The following AACS variants were observed in gnomAD, a reference collection of about 807,000 sequenced individuals.
The protein encoded by AACS is acetoacetate-CoA ligase.
Under a neutral mutation model 83.1 loss-of-function variants are expected in AACS, and 69 were observed. The ratio of observed to expected loss-of-function variants is 0.83; its 90% confidence interval spans 0.68 to 1.01. The LOEUF (loss-of-function observed/expected upper bound fraction) is 1.01, where lower values mean the gene tolerates loss of function less well. Ranked by LOEUF, AACS falls within the 50% of genes least tolerant of loss-of-function variation. The pLI is 0.00. For synonymous variants in AACS, 333 were observed against 343.4 expected (o/e 0.97, Z 0.33); for missense variants, 866 against 882.2 (o/e 0.98, Z 0.23).
chr12:125,104,654 C>T (rs1277726580), intron 7 of AACS, among the ~76,000 whole-genome samples: 2 of 152,140 alleles, frequency 1.3e-5, no homozygotes, highest in African/African-American at 4.8e-5. Flanking sequence ...CTGGAGGGTG[C>T]TGCAGGCAAA....
Position 125,073,865 on chromosome 12 carries a change from T to C in AACS, c.134-11T>C. 1.9e-6 allele frequency: 3 copies of C among 1,606,862 alleles called. No individual in the cohort carries two copies. Among genetic ancestry groups the C allele is most frequent in the South Asian group, 2.2e-5 (2 of 90,236 alleles). ...CCCTTCTAAGGTTAATCTGAGCTAT[T>C]TCATTTTTAGAGAGTTATGATGACT... On this transcript the variant is annotated splice_polypyrimidine_tract_variant and intron_variant, in intron 1 of 17. Transcript: ENST00000316519.
chr12:125,125,075 A>C, intron 12 of AACS, 51 bp downstream of exon 12: 2 of 1,612,030 alleles, frequency 1.2e-6, no homozygotes. Context: ...CGGCCCCATA[A>C]GTATGCACAC....
At position 125,097,002 on chromosome 12, in the gene AACS, G is replaced by T. The variant is rs558434955; in HGVS notation, c.570+5479G>T. On this transcript the variant is annotated intron_variant, in intron 5 of 17. Transcript: ENST00000316519. The surrounding 1 kb of genome is among the most constrained non-coding windows in gnomAD (Gnocchi z 4.3). The stretch of plus-strand genomic sequence containing the variant: ...AGGGGTGGCATTCTCAGTCCAGGAG[G>T]GTTTGGTGCCAGGAAGGGCCATTTC... Among the ~76,000 whole-genome samples the T allele has an allele frequency of 1.3e-5, 2 of 152,136 alleles. No homozygotes were observed. Among genetic ancestry groups the T allele is most frequent in the South Asian group, 4.1e-4 (2 of 4,830 alleles).
chr12:125,089,931 A>G (rs1352716043), intron 4 of AACS, among the ~76,000 whole-genome samples: 2 of 151,680 alleles, frequency 1.3e-5, no homozygotes, highest in African/African-American at 2.4e-5. Context: ...CCATTTATCT[A>G]TCCTCCACCC....
rs748456810 is a variant in AACS at position 125,129,438 on chromosome 12, G to A, written c.1527G>A (p.Lys509=). 8.7e-6 allele frequency: 14 copies of A among 1,613,764 alleles called. No homozygotes were observed. Among genetic ancestry groups the A allele is most frequent in the African/African-American group, 2.7e-5 (2 of 74,880 alleles). ...WNDENGNKYR[K]AYFSKFPGIW... ...ATGAGAACGGCAACAAGTACAGGAA[G>A]GCGTATTTCTCCAAATTCCCAGGTC... Residue 509 remains lysine, a synonymous_variant, in exon 14 of 18, where the codon AAG becomes AAA. Coordinates refer to ENST00000316519, the MANE Select transcript of AACS (RefSeq NM_023928.5). This position sits in a 1 kb window ranked among gnomAD's most constrained non-coding sequence, Gnocchi z 4.3.
chr12:125,109,571 C>A (rs1956906747), intron 8 of AACS, among the ~76,000 whole-genome samples: 1 of 152,230 alleles, frequency 6.6e-6, no homozygotes, highest in Non-Finnish European at 1.5e-5. Context: ...GCACGTATCT[C>A]CCAAGAACAG....
Position 125,094,699 on chromosome 12 carries a change from G to GC in AACS, c.570+3178dup, listed in dbSNP as rs1956564926. Among the ~76,000 whole-genome samples the GC allele has an allele frequency of 6.6e-6, 1 of 152,200 alleles. No individual in the cohort carries two copies. Among genetic ancestry groups the GC allele is most frequent in the Non-Finnish European group, 1.5e-5 (1 of 68,040 alleles). ...TCCTTCTGCCTGCTCTCTGCTGGCT[G>GC]CCTGGGCATCTCAGCTTGCCTTACT... On this transcript the variant is annotated intron_variant, in intron 5 of 17. Coordinates refer to ENST00000316519, the MANE Select transcript of AACS (RefSeq NM_023928.5). This position sits in a 1 kb window ranked among gnomAD's most constrained non-coding sequence, Gnocchi z 4.1.
chr12:125,102,774 G>A lies in AACS; in HGVS notation c.666G>A (p.Lys222=). The A allele has an allele frequency of 1.2e-6, 2 of 1,614,196 alleles. No individual in the cohort carries two copies. Among genetic ancestry groups the A allele is most frequent in the African/African-American group, 1.3e-5 (1 of 75,050 alleles). ...GCAAAGAGCACAACCACATGGAAAA[G>A]CTGCAGCAGGTGGTTAAAGGTGTGT... is the stretch of plus-strand genomic sequence containing the variant. ...YNGKEHNHME[K]LQQVVKGLPD... The change falls in exon 6 of 18, where the codon AAG becomes AAA. Residue 222 remains lysine (K), a synonymous_variant. Coordinates refer to ENST00000316519, the MANE Select transcript of AACS (RefSeq NM_023928.5).
rs1443170581 is a variant in AACS, at chr12:125,130,651, T to C, written c.1549+1191T>C. Among the ~76,000 whole-genome samples the C allele has an allele frequency of 2.6e-5, 4 of 152,268 alleles. No individual in the cohort carries two copies. Among genetic ancestry groups the C allele is most frequent in the Non-Finnish European group, 5.9e-5 (4 of 68,038 alleles). On this transcript the variant is annotated intron_variant, in intron 14 of 17. Transcript: ENST00000316519. The surrounding 1 kb of genome is among the most constrained non-coding windows in gnomAD (Gnocchi z 4.9). ...CTCAGGATTAATTTCAGAATAATCT[T>C]TTTTTGAAACTGATATTCCTTCTTG...
chr12:125,067,409 A>T lies in AACS; in HGVS notation c.133+1692A>T, dbSNP rs1955731682. Among the ~76,000 whole-genome samples, 6 of 152,328 alleles carry T rather than the reference A, an allele frequency of 3.9e-5. No individual in the cohort carries two copies. In the South Asian group the frequency reaches 1.2e-3, roughly 32 times the overall value. Reference sequence around the variant, plus strand: ...CTGTTTCCTCTGCCAGCAATAACAGAATGCTGGTCTGGTGCCTGTCTAGCC... The same window carrying T: ...CTGTTTCCTCTGCCAGCAATAACAGTATGCTGGTCTGGTGCCTGTCTAGCC... On this transcript the variant is annotated intron_variant, in intron 1 of 17. Coordinates refer to ENST00000316519, the MANE Select transcript of AACS (RefSeq NM_023928.5).
intron 10 of AACS, 44 bp from the exon 11 acceptor site, chr12:125,124,661 G>A (rs749034583): frequency 6.2e-7 from 1 of 1,608,644 alleles, no homozygotes; most frequent in Non-Finnish European, 8.5e-7. Flanking sequence ...TGGTGCAAGA[G>A]CCTTGAAGAG....
intron 3 of AACS, among the ~76,000 whole-genome samples, chr12:125,081,879 G>T (rs1421947647): frequency 1.4e-5 from 2 of 144,944 alleles, no homozygotes; most frequent in Non-Finnish European, 3.0e-5. Flanking sequence ...AAAAAAACGA[G>T]TTTTTTTTTT....
At chr12:125,127,941 C>G (rs954280284) in intron 12 of AACS, 32 of 392,244 alleles carry the variant, frequency 8.2e-5, no homozygotes, top group Admixed American at 3.0e-4. Context: ...GAAGGCTCGG[C>G]TAAAACGTCA....
intron 2 of AACS, 26 bp from the exon 3 acceptor site, chr12:125,076,465 T>A: frequency 5.0e-6 from 8 of 1,611,694 alleles, no homozygotes; most frequent in Non-Finnish European, 6.8e-6. Flanking sequence ...TGTGTGTGCG[T>A]CTTGGTTTGT....
At position 125,142,187 on chromosome 12, in the gene AACS, C is replaced by A; in HGVS notation, c.1977C>A (p.Thr659=). The A allele has an allele frequency of 6.2e-7, 1 of 1,614,174 alleles. No homozygotes were observed. The highest frequency in any genetic ancestry group is 8.5e-7 in the Non-Finnish European group (1 of 1,180,034). The part of the protein sequence containing the change: ...EQGGAFSNPE[T]LDLYRDIPEL... ...GAGGTGCTTTCTCGAACCCCGAGAC[C>A]CTGGATCTGTACCGGGACATCCCTG... Residue 659 remains threonine, a synonymous_variant, in exon 18 of 18, where the codon ACC becomes ACA. Coordinates refer to ENST00000316519, the MANE Select transcript of AACS (RefSeq NM_023928.5).
chr12:125,076,407 T>A (rs1378871787), intron 2 of AACS, 84 bp from the exon 3 acceptor site: 2 of 1,550,266 alleles, frequency 1.3e-6, no homozygotes, highest in Non-Finnish European at 1.7e-6. Context: ...CCACTTTTGC[T>A]GATTTGTGAC....
At position 125,065,548 on chromosome 12, in the gene AACS, C is replaced by G. The variant is rs981459778; in HGVS notation, c.-37C>G. 3.2e-5 allele frequency: 47 copies of G among 1,487,538 alleles called. No individual in the cohort carries two copies. The Admixed American group carries it at 9.8e-4, about 31-fold the overall frequency. The allele number at this position is 1,487,538 out of a possible 1,614,324, so 92.1% of individuals were successfully genotyped here. Reference sequence around the variant, plus strand: ...TCGCCTCAGCCCCGGCCCCTGGTCCCCAGCCCTCGTCGCAGCCCCGGCCGC... The same window carrying G: ...TCGCCTCAGCCCCGGCCCCTGGTCCGCAGCCCTCGTCGCAGCCCCGGCCGC... On this transcript the variant is annotated 5_prime_UTR_variant, in exon 1 of 18. Transcript: ENST00000316519.
rs745758841 is a variant in AACS at position 125,087,265 on chromosome 12, T to A, written c.472+822T>A. Among the ~76,000 whole-genome samples, 12 of 152,132 alleles carry A rather than the reference T, an allele frequency of 7.9e-5. No homozygotes were observed. In the South Asian group the frequency reaches 1.4e-3, roughly 18 times the overall value. On this transcript the variant is annotated intron_variant, in intron 4 of 17. Transcript: ENST00000316519. ...GCTGGAATGTGTAGACCTTGAGGCG[T>A]GGTTTGTCTTCCCACTCTGGGCCGG...
At chr12:125,068,268 G>A (rs1202785573) in intron 1 of AACS, among the ~76,000 whole-genome samples, 3 of 152,114 alleles carry the variant, frequency 2.0e-5, no homozygotes, top group Admixed American at 1.3e-4. Flanking sequence ...ACCAGCCTGG[G>A]CAACATGGTG....
Sources: gnomAD v4.1 joint callset for allele counts (sites outside exome capture counted in the v4.1 genomes callset) on GRCh38, gnomAD v4.1.1 for gene constraint, Gnocchi (gnomAD v3.1) non-coding constraint, MANE v1.5 for transcripts, NCBI Gene and HGNC (gene_info 2026-07-23, HGNC 2026-07-21) for gene names.